Variants in EPC1 observed in about 807,000 individuals in gnomAD.
EPC1 encodes the protein enhancer of polycomb 1.
Under a neutral mutation model 98.4 loss-of-function variants are expected in EPC1, and 12 were observed. The ratio of observed to expected loss-of-function variants is 0.12; its 90% CI spans 0.08 to 0.20. EPC1 has a LOEUF of 0.20. EPC1 is among the 10% of genes least tolerant of loss of function. The probability of loss-of-function intolerance (pLI) is 1.00; values close to 1 mark genes in which losing one functional copy is unlikely to be tolerated. For missense variants in EPC1, 729 were observed against 990.5 expected, an observed-to-expected ratio of 0.74 and a Z score of 3.54; for synonymous variants, 357 against 363.9, an observed-to-expected ratio of 0.98 and a Z score of 0.21.
chr10:32,306,857 AACACACAC>A (rs3029539), intron 1 of EPC1, among the ~76,000 whole-genome samples: 32 of 149,752 alleles, frequency 2.1e-4, no homozygotes, highest in East Asian at 3.9e-4. Context: ...ATTAAATTCA[AACACACAC>A]ACACACACAC....
At chr10:32,324,722 G>A (rs1002663356) in intron 1 of EPC1, among the ~76,000 whole-genome samples, 6 of 151,636 alleles carry the variant, frequency 4.0e-5, no homozygotes, top group South Asian at 4.2e-4. Flanking sequence ...AGCCGGGCGC[G>A]GTGGCTCAAG....
At chr10:32,272,444 T>C (rs886676218) in intron 11 of EPC1, among the ~76,000 whole-genome samples, 1 of 152,206 alleles carries the variant, frequency 6.6e-6, no homozygotes, top group African/African-American at 2.4e-5. Flanking sequence ...TTCTATAATG[T>C]GGAAACAGCA....
intron 10 of EPC1, among the ~76,000 whole-genome samples, chr10:32,275,561 T>C (rs1836039381): frequency 1.3e-5 from 2 of 150,914 alleles, no homozygotes; most frequent in South Asian, 2.1e-4. Flanking sequence ...GGTCAGGAGA[T>C]TGAGACCATC....
chr10:32,286,392 G>T, intron 9 of EPC1: 2 of 388,732 alleles, frequency 5.1e-6, no homozygotes, highest in Non-Finnish European at 9.3e-6. Flanking sequence ...GTGCAATCAG[G>T]ATTTACACTT....
At chr10:32,302,003 G>A (rs574171802) in intron 2 of EPC1, among the ~76,000 whole-genome samples, 1 of 152,294 alleles carries the variant, frequency 6.6e-6, no homozygotes, top group South Asian at 2.1e-4. Context: ...GCTGGAGGTG[G>A]TGGCTCACGC....
chr10:32,320,423 G>C (rs1323101944), intron 1 of EPC1, among the ~76,000 whole-genome samples: 1 of 152,140 alleles, frequency 6.6e-6, no homozygotes, highest in South Asian at 2.1e-4. Context: ...ATCATTAAGT[G>C]TTATGTGAGG....
intron 2 of EPC1, among the ~76,000 whole-genome samples, chr10:32,300,582 C>T (rs1021548394): frequency 9.9e-5 from 15 of 151,818 alleles, no homozygotes; most frequent in Non-Finnish European, 1.9e-4. Context: ...TACAGATGCA[C>T]ACCACCATGC....
intron 1 of EPC1, among the ~76,000 whole-genome samples, chr10:32,329,741 C>G (rs539158390): frequency 6.6e-6 from 1 of 152,098 alleles, no homozygotes; most frequent in East Asian, 1.9e-4. Context: ...ATTACAGAGG[C>G]ATTAAGCTCC....
intron 2 of EPC1, among the ~76,000 whole-genome samples, chr10:32,295,404 A>G (rs1400387409): frequency 6.6e-6 from 1 of 152,188 alleles, no homozygotes; most frequent in Non-Finnish European, 1.5e-5. Context: ...AGTTGAATGT[A>G]TTATTTCACT....
chr10:32,343,271 G>C (rs1838492924), intron 1 of EPC1, among the ~76,000 whole-genome samples: 1 of 152,056 alleles, frequency 6.6e-6, no homozygotes, highest in Non-Finnish European at 1.5e-5. Context: ...AGTGCAGTGG[G>C]GGGATCTCAG....
Position 32,377,071 on chromosome 10 carries a change from T to C in EPC1, c.3+1420A>G, listed in dbSNP as rs550238851. 19 of 152,290 alleles carry C rather than the reference T, an allele frequency of 1.2e-4. No homozygotes were observed. In the South Asian group the frequency reaches 3.7e-3, roughly 30 times the overall value. 9.4% of individuals were successfully genotyped at this position (152,290 alleles called of 1,614,324 possible). ...TCAGATAACTCAATAAGAACAAAGATGGAAAAGATATAATCCTGCATTTAG... is the reference window on the plus strand; with the variant it reads ...TCAGATAACTCAATAAGAACAAAGACGGAAAAGATATAATCCTGCATTTAG... On this transcript the variant is annotated intron_variant, in intron 1 of 13. Coordinates refer to the EPC1 transcript ENST00000375110.
chr10:32,302,364 G>A (rs1835604264), intron 2 of EPC1, among the ~76,000 whole-genome samples: 1 of 151,726 alleles, frequency 6.6e-6, no homozygotes, highest in African/African-American at 2.4e-5. Context: ...GTAAGCAAAA[G>A]AGGCCAGGCA....
intron 2 of EPC1, among the ~76,000 whole-genome samples, chr10:32,294,641 A>C (rs1214588646): frequency 6.6e-6 from 1 of 152,190 alleles, no homozygotes; most frequent in Non-Finnish European, 1.5e-5. Flanking sequence ...AAATGGGAGG[A>C]TCTTAGATCT....
intron 9 of EPC1, chr10:32,285,971 T>C (rs1190525362): frequency 6.6e-6 from 1 of 150,922 alleles, no homozygotes; most frequent in African/African-American, 2.4e-5. Context: ...GTTTAAATAA[T>C]AAAAAAAAAC....
chr10:32,351,175 G>C (rs1478729053), upstream of EPC1, among the ~76,000 whole-genome samples: 2 of 152,120 alleles, frequency 1.3e-5, no homozygotes, highest in Non-Finnish European at 2.9e-5. Context: ...ACTTCATTCT[G>C]TATCTTCCCT....
intron 1 of EPC1, among the ~76,000 whole-genome samples, chr10:32,367,061 T>C (rs1017210061): frequency 5.3e-5 from 8 of 152,234 alleles, no homozygotes; most frequent in Non-Finnish European, 7.3e-5. Context: ...AGTGGCACAA[T>C]CTTGGCTCAC....
chr10:32,353,244 C>T (rs1013959473), intron 1 of EPC1, among the ~76,000 whole-genome samples: 4 of 150,806 alleles, frequency 2.7e-5, no homozygotes, highest in Non-Finnish European at 5.9e-5. Context: ...GAACTAGAAT[C>T]GAAGAAAGAG....
Position 32,346,904 on chromosome 10 carries a change from C to T in EPC1, c.12G>A (p.Leu4=). Residue 4 remains leucine, a synonymous_variant, in exon 1 of 14, where the codon CTG becomes CTA. Transcript: ENST00000319778. MSK[L]SFRARALDAS... ...CGTCTAGCGCCCGCGCCCGAAACGA[C>T]AGTTTACTCATCTCAGGCGCAGCAG... 1 of 1,613,940 alleles carries T rather than the reference C, an allele frequency of 6.2e-7. No homozygotes were observed. The highest frequency in any genetic ancestry group is 1.1e-5 in the South Asian group (1 of 91,090).
chr10:32,280,678 C>T (rs1341332945), intron 10 of EPC1, among the ~76,000 whole-genome samples: 1 of 151,606 alleles, frequency 6.6e-6, no homozygotes, highest in Non-Finnish European at 1.5e-5. Context: ...GTGGAGGTTG[C>T]AGTGAGCTGA....
Sources: allele counts gnomAD v4.1 joint callset (sites outside exome capture counted in the v4.1 genomes callset), GRCh38; gene constraint gnomAD v4.1.1; transcripts MANE v1.5; gene names NCBI Gene and HGNC (gene_info 2026-07-23, HGNC 2026-07-21).